The following PKP4 variants were observed in gnomAD, a reference collection of about 807,000 sequenced individuals.
The protein encoded by PKP4 is plakophilin 4, also known as plakophilin-4.
A neutral mutation model predicts 145.1 loss-of-function variants in PKP4; 90 were observed. That is an observed-to-expected ratio of 0.62 (90% CI 0.52 to 0.74). The LOEUF (loss-of-function observed/expected upper bound fraction) is 0.74. Ranked by LOEUF, PKP4 falls within the 30% of genes least tolerant of loss-of-function variation. The pLI is 0.00. For missense variants in PKP4, 1,340 were observed against 1,482.7 expected (o/e 0.90, Z 1.58); for synonymous variants, 563 against 577.2 (o/e 0.98, Z 0.35).
chr2:158,533,094 G>A, intron 1 of PKP4, 86 bp from the exon 2 acceptor site: 1 of 1,361,130 alleles, frequency 7.3e-7, no homozygotes, highest in Admixed American at 2.8e-5. Context: ...GTAGTCTACT[G>A]TAGTTGCTAG....
chr2:158,505,067 C>T (rs2040844383), intron 1 of PKP4, among the ~76,000 whole-genome samples: 1 of 152,170 alleles, frequency 6.6e-6, no homozygotes. Context: ...TGTTCTGGCA[C>T]TGATAGCATG....
At chr2:158,622,039 T>C (rs1477509651) in intron 6 of PKP4, among the ~76,000 whole-genome samples, 2 of 152,142 alleles carry the variant, frequency 1.3e-5, no homozygotes, top group East Asian at 3.9e-4. Context: ...TGGAATGTTT[T>C]GGTCCCTGAG....
intron 2 of PKP4, among the ~76,000 whole-genome samples, chr2:158,554,687 A>G (rs1161081578): frequency 6.6e-6 from 1 of 152,158 alleles, no homozygotes; most frequent in Non-Finnish European, 1.5e-5. Flanking sequence ...AGCCTCCCAA[A>G]GTGCTGGGAT....
intron 3 of PKP4, among the ~76,000 whole-genome samples, chr2:158,583,312 T>G (rs893287402): frequency 1.3e-5 from 2 of 152,178 alleles, no homozygotes; most frequent in African/African-American, 4.8e-5. Context: ...TCTGTACCTA[T>G]CTACTCCTCC....
chr2:158,634,337 C>CAA, intron 9 of PKP4, 48 bp downstream of exon 9: 1 of 1,458,188 alleles, frequency 6.9e-7, no homozygotes, highest in Non-Finnish European at 9.6e-7. Flanking sequence ...TTGCAGGAGT[C>CAA]AGCCAGTTCC....
At chr2:158,670,005 G>A (rs1346034332) in intron 17 of PKP4, 90 bp downstream of exon 17, 3 of 1,030,592 alleles carry the variant, frequency 2.9e-6, no homozygotes, top group South Asian at 2.0e-5. Context: ...TTTCCTATTG[G>A]AAAGGATTTA....
At chr2:158,618,687 G>A (rs1260741297) in intron 4 of PKP4, among the ~76,000 whole-genome samples, 1 of 151,908 alleles carries the variant, frequency 6.6e-6, no homozygotes, top group East Asian at 1.9e-4. Context: ...TGAGTGAAAA[G>A]ACACAATTTC....
chr2:158,513,744 A>T (rs568576845), intron 1 of PKP4, among the ~76,000 whole-genome samples: 1 of 152,186 alleles, frequency 6.6e-6, no homozygotes, highest in South Asian at 2.1e-4. Context: ...ATCTTAGGCA[A>T]ATTTAAAGGC....
At chr2:158,557,531 C>G (rs1238963147) in intron 2 of PKP4, among the ~76,000 whole-genome samples, 1 of 152,164 alleles carries the variant, frequency 6.6e-6, no homozygotes, top group Admixed American at 6.5e-5. Flanking sequence ...TAAGTACATG[C>G]TATTTTAAAA....
intron 16 of PKP4, among the ~76,000 whole-genome samples, chr2:158,667,689 G>C (rs1208407121): frequency 6.6e-6 from 1 of 152,186 alleles, no homozygotes; most frequent in Non-Finnish European, 1.5e-5. Flanking sequence ...TTGTTGCCCA[G>C]ATTAACCTGC....
intron 11 of PKP4, among the ~76,000 whole-genome samples, chr2:158,651,433 G>A (rs2055353307): frequency 1.4e-5 from 1 of 70,566 alleles, no homozygotes; most frequent in South Asian, 6.2e-4. Flanking sequence ...CTAGCCCATT[G>A]GCCTCACCCC....
chr2:158,489,953 A>G (rs1407985969), intron 1 of PKP4, among the ~76,000 whole-genome samples: 1 of 152,174 alleles, frequency 6.6e-6, no homozygotes, highest in African/African-American at 2.4e-5. Context: ...CCCGTGAGCA[A>G]AACAACAAAA....
chr2:158,673,968 C>G lies in PKP4; in HGVS notation c.3095C>G (p.Thr1032Ser). The change falls in exon 19 of 22, where the codon ACC becomes AGC. Residue 1032 changes from threonine to serine, a missense_variant. Thr to Ser is a moderately conservative substitution (Grantham distance 58). Coordinates refer to ENST00000389759, the MANE Select transcript of PKP4 (RefSeq NM_003628.6). ...RFKSHPSLST[T>S]NQQMSPIIQS... ...AAATCACATCCTTCCTTGTCTACCA[C>G]CAACCAACAGATGTCACCCATCATT... is the stretch of plus-strand genomic sequence containing the variant. The G allele has an allele frequency of 1.2e-6, 2 of 1,607,990 alleles. No homozygotes were observed. Among genetic ancestry groups the G allele is most frequent in the Non-Finnish European group, 1.7e-6 (2 of 1,174,400 alleles).
At chr2:158,667,961 G>T (rs938953740) in intron 16 of PKP4, among the ~76,000 whole-genome samples, 2 of 152,126 alleles carry the variant, frequency 1.3e-5, no homozygotes, top group Non-Finnish European at 2.9e-5. Context: ...AAAATAAATG[G>T]TTGACACGTA....
chr2:158,603,111 T>C lies in PKP4; in HGVS notation c.280+7T>C. 1 of 1,446,722 alleles carries C rather than the reference T, an allele frequency of 6.9e-7. No homozygotes were observed. Among genetic ancestry groups the C allele is most frequent in the Non-Finnish European group, 9.4e-7 (1 of 1,059,310 alleles). 89.6% of individuals were successfully genotyped at this position (1,446,722 alleles called of 1,614,324 possible). ...TTTCCTTGGAGATCAACAGGTATGT[T>C]TTTTATTATATAAAAGTTATGTTTG... On this transcript the variant is annotated splice_region_variant and intron_variant, in intron 4 of 21. Transcript: ENST00000389759.
chr2:158,602,140 T>C (rs754456442), intron 3 of PKP4, among the ~76,000 whole-genome samples: 36 of 152,334 alleles, frequency 2.4e-4, no homozygotes, highest in Middle Eastern at 6.8e-3. Context: ...TCTAGTCATA[T>C]TGTCTATGTG....
intron 1 of PKP4, among the ~76,000 whole-genome samples, chr2:158,511,697 A>G (rs906755936): frequency 6.6e-6 from 1 of 152,216 alleles, no homozygotes; most frequent in African/African-American, 2.4e-5. Context: ...CCAATTAGGA[A>G]TAAATTTTCA....
chr2:158,667,488 G>A (rs1387252876), intron 16 of PKP4, among the ~76,000 whole-genome samples: 4 of 152,180 alleles, frequency 2.6e-5, no homozygotes, highest in African/African-American at 7.2e-5. Context: ...AGGGGAGAAG[G>A]AGGGGAAATG....
At chr2:158,529,558 AG>A (rs2043325652) in intron 1 of PKP4, among the ~76,000 whole-genome samples, 1 of 152,196 alleles carries the variant, frequency 6.6e-6, no homozygotes, top group Non-Finnish European at 1.5e-5. Flanking sequence ...CTTATCTGGA[AG>A]TAGTTATGTC....
Sources: allele counts gnomAD v4.1 joint callset (sites outside exome capture counted in the v4.1 genomes callset), GRCh38; gene constraint gnomAD v4.1.1; transcripts MANE v1.5; gene names NCBI Gene and HGNC (gene_info 2026-07-23, HGNC 2026-07-21).